CLEC16A: variants seen among roughly 807,000 people sequenced by gnomAD.
CLEC16A encodes the protein C-type lectin domain containing 16A.
CLEC16A carries 51 observed loss-of-function variants against 109.5 expected under a neutral mutation model. The observed-to-expected ratio is 0.47, with a 90% CI of 0.37 to 0.59. CLEC16A has a LOEUF of 0.59. Ranked by LOEUF, CLEC16A falls within the 20% of genes least tolerant of loss-of-function variation. The pLI, the probability that CLEC16A is intolerant of heterozygous loss-of-function variation, is 0.00. For missense variants in CLEC16A, 1,339 were observed against 1,394.0 expected (o/e 0.96, Z 0.63); for synonymous variants, 673 against 564.2 (o/e 1.19, Z -2.73).
intron 22 of CLEC16A, among the ~76,000 whole-genome samples, chr16:11,149,551 G>T (rs1014773060): frequency 6.6e-6 from 1 of 152,018 alleles, no homozygotes; most frequent in African/African-American, 2.4e-5. Context: ...CAACACTTTG[G>T]GAGGCTGAGG....
At chr16:11,001,374 T>C (rs1567178947) in intron 10 of CLEC16A, among the ~76,000 whole-genome samples, 1 of 152,170 alleles carries the variant, frequency 6.6e-6, no homozygotes, top group Non-Finnish European at 1.5e-5. Flanking sequence ...GTGTGAGCCA[T>C]GTGCCTGGCC....
intron 1 of CLEC16A, among the ~76,000 whole-genome samples, chr16:10,952,814 A>C (rs768885422): frequency 6.6e-6 from 1 of 152,228 alleles, no homozygotes; most frequent in African/African-American, 2.4e-5. Context: ...GAATATTTGA[A>C]ACAATATCAT....
At chr16:11,018,255 G>C (rs9937309) in intron 11 of CLEC16A, among the ~76,000 whole-genome samples, 45,326 of 149,438 alleles carry the variant, frequency 0.3, 7,060 homozygotes, top group African/African-American at 0.37. Context: ...TGCACTCTAG[G>C]CTGGGTGTCA....
At chr16:11,015,746 G>A (rs1424154785) in intron 11 of CLEC16A, among the ~76,000 whole-genome samples, 2 of 152,252 alleles carry the variant, frequency 1.3e-5, no homozygotes, top group South Asian at 4.1e-4. Context: ...GGACAACTAC[G>A]TCACAAAGCT....
chr16:11,050,605 G>C (rs2047887568), intron 17 of CLEC16A, among the ~76,000 whole-genome samples: 1 of 152,246 alleles, frequency 6.6e-6, no homozygotes, highest in Non-Finnish European at 1.5e-5. Context: ...GCAGAGATCT[G>C]GGAGAGGTGG....
At chr16:11,122,896 CTTTT>C (rs1002354410) in intron 20 of CLEC16A, among the ~76,000 whole-genome samples, 5 of 73,770 alleles carry the variant, frequency 6.8e-5, no homozygotes, top group Non-Finnish European at 9.4e-5. Flanking sequence ...CTATCCCTTT[CTTTT>C]TTTTTTTTTT....
At chr16:11,161,618 G>T (rs907350477) in intron 22 of CLEC16A, among the ~76,000 whole-genome samples, 2 of 152,308 alleles carry the variant, frequency 1.3e-5, no homozygotes, top group South Asian at 4.1e-4. Context: ...GAGTCCTATG[G>T]ATTTGACCAA....
intron 22 of CLEC16A, among the ~76,000 whole-genome samples, chr16:11,138,632 C>T (rs2053679443): frequency 6.6e-6 from 1 of 152,200 alleles, no homozygotes; most frequent in Non-Finnish European, 1.5e-5. Flanking sequence ...GGGGTGCGGC[C>T]TTCCTTACCT....
At chr16:11,040,841 T>C (rs917498342) in intron 14 of CLEC16A, 2 of 152,164 alleles carry the variant, frequency 1.3e-5, no homozygotes, top group African/African-American at 4.8e-5. Context: ...CAGATCCCCT[T>C]TTCTCACTTA....
At chr16:10,956,564 G>T (rs556098407) in intron 1 of CLEC16A, among the ~76,000 whole-genome samples, 1 of 152,214 alleles carries the variant, frequency 6.6e-6, no homozygotes, top group African/African-American at 2.4e-5. Context: ...ACCTGGGGCT[G>T]TGGGCCCTGG....
intron 19 of CLEC16A, among the ~76,000 whole-genome samples, chr16:11,067,820 A>C (rs962097835): frequency 3.9e-5 from 6 of 152,192 alleles, no homozygotes; most frequent in African/African-American, 1.4e-4. Flanking sequence ...TTTGCCCCAG[A>C]GACTTGTCTT....
intron 19 of CLEC16A, among the ~76,000 whole-genome samples, chr16:11,117,085 CA>C (rs1263111235): frequency 6.6e-6 from 1 of 152,158 alleles, no homozygotes; most frequent in Non-Finnish European, 1.5e-5. Flanking sequence ...AACAGAAAAC[CA>C]AATACCGCAT....
intron 4 of CLEC16A, 68 bp downstream of exon 4, chr16:10,969,377 G>A (rs887657568): frequency 1.8e-5 from 18 of 994,704 alleles, no homozygotes; most frequent in African/African-American, 1.0e-4. Flanking sequence ...TTTTTTTTAC[G>A]GCAGCGCCTT....
intron 19 of CLEC16A, among the ~76,000 whole-genome samples, chr16:11,072,454 A>G (rs531058205): frequency 6.6e-6 from 1 of 152,270 alleles, no homozygotes; most frequent in East Asian, 1.9e-4. Flanking sequence ...GAATTTGAAA[A>G]TCTTCAAAAT....
At chr16:11,001,923 A>G (rs1333421490) in intron 10 of CLEC16A, among the ~76,000 whole-genome samples, 2 of 152,158 alleles carry the variant, frequency 1.3e-5, no homozygotes, top group Non-Finnish European at 2.9e-5. Context: ...AACACCCACT[A>G]CACCTGGCTT....
intron 15 of CLEC16A, 42 bp from the exon 16 acceptor site, chr16:11,043,986 T>C (rs1423403465): frequency 1.3e-6 from 2 of 1,559,526 alleles, no homozygotes; most frequent in Admixed American, 3.7e-5. Context: ...TGCTCACCTA[T>C]ATGAGACCTG....
intron 19 of CLEC16A, among the ~76,000 whole-genome samples, chr16:11,085,198 T>G (rs185427109): frequency 6.6e-6 from 1 of 152,228 alleles, no homozygotes; most frequent in Admixed American, 6.5e-5. Context: ...GCCCCCACCC[T>G]GGGTTCCAGG....
At chr16:11,164,111 G>A (rs559533168) in intron 22 of CLEC16A, among the ~76,000 whole-genome samples, 9 of 152,180 alleles carry the variant, frequency 5.9e-5, no homozygotes, top group Admixed American at 5.2e-4. Context: ...ATATCACATT[G>A]TGCCTCTTCC....
At chr16:11,094,964 C>G (rs1339941354) in intron 19 of CLEC16A, among the ~76,000 whole-genome samples, 1 of 152,206 alleles carries the variant, frequency 6.6e-6, no homozygotes. Flanking sequence ...GCTCTGGGCT[C>G]CCTCAGTACC....
Sources: allele counts gnomAD v4.1 joint callset (sites outside exome capture counted in the v4.1 genomes callset), GRCh38; gene constraint gnomAD v4.1.1; transcripts MANE v1.5; gene names NCBI Gene and HGNC (gene_info 2026-07-23, HGNC 2026-07-21).